The following ZNF438 variants were observed in gnomAD, a reference collection of about 807,000 sequenced individuals.
ZNF438 encodes zinc finger protein 438.
In ZNF438, 25 loss-of-function variants were observed where a neutral mutation model predicts 38.0. That is an observed-to-expected ratio of 0.66 (90% CI 0.48 to 0.92). ZNF438 has a LOEUF of 0.92. Ranked by LOEUF, ZNF438 falls within the 40% of genes least tolerant of loss-of-function variation. The pLI is 0.00. For synonymous variants in ZNF438, 372 were observed against 364.1 expected (o/e 1.02, Z -0.25); for missense variants, 1,007 against 999.6 (o/e 1.01, Z -0.10).
intron 1 of ZNF438, among the ~76,000 whole-genome samples, chr10:30,949,761 C>CCTA (rs2047934019): frequency 6.6e-6 from 1 of 151,714 alleles, no homozygotes; most frequent in South Asian, 2.1e-4. Flanking sequence ...TCCTGAGTGA[C>CCTA]CTACAAAGAG....
chr10:30,903,609 C>T (rs1211437727), intron 3 of ZNF438, among the ~76,000 whole-genome samples: 4 of 152,132 alleles, frequency 2.6e-5, no homozygotes, highest in African/African-American at 9.7e-5. Context: ...GGAGGATCAG[C>T]AAGGCCAAAC....
chr10:30,948,521 A>G (rs1218409012), intron 1 of ZNF438, among the ~76,000 whole-genome samples: 3 of 152,064 alleles, frequency 2.0e-5, no homozygotes, highest in Non-Finnish European at 2.9e-5. Flanking sequence ...AGACGAACGT[A>G]TAACTAGAAT....
intron 1 of ZNF438, among the ~76,000 whole-genome samples, chr10:31,013,245 G>C: frequency 6.6e-6 from 1 of 152,056 alleles, no homozygotes; most frequent in Admixed American, 6.5e-5. Flanking sequence ...CGTGAACCCG[G>C]GAGGCGGAGC....
At chr10:30,926,748 G>A (rs1322667912) in intron 2 of ZNF438, among the ~76,000 whole-genome samples, 1 of 152,052 alleles carries the variant, frequency 6.6e-6, no homozygotes, top group East Asian at 1.9e-4. Flanking sequence ...ACAGATTTGA[G>A]GGCAGAAATG....
At chr10:30,988,220 A>T in intron 1 of ZNF438, among the ~76,000 whole-genome samples, 1 of 152,128 alleles carries the variant, frequency 6.6e-6, no homozygotes, top group East Asian at 1.9e-4. Flanking sequence ...TTTGCTTTGA[A>T]CTTACCAGGT....
intron 1 of ZNF438, among the ~76,000 whole-genome samples, chr10:30,946,778 C>T (rs147719963): frequency 0.01 from 1,538 of 152,248 alleles, 21 homozygotes; most frequent in African/African-American, 0.035. Flanking sequence ...TTCTCCCAAT[C>T]TGTTCTTGTT....
At chr10:30,923,813 C>G (rs2044605018) in intron 2 of ZNF438, among the ~76,000 whole-genome samples, 1 of 152,162 alleles carries the variant, frequency 6.6e-6, no homozygotes, top group African/African-American at 2.4e-5. Flanking sequence ...GGGATGATTG[C>G]TCTTCCATTT....
chr10:30,982,373 T>C (rs148495216), intron 1 of ZNF438, among the ~76,000 whole-genome samples: 1 of 152,290 alleles, frequency 6.6e-6, no homozygotes, highest in African/African-American at 2.4e-5. Flanking sequence ...AGTGCTGAGA[T>C]TATAGGCATC....
chr10:30,979,331 T>C (rs552202155), intron 1 of ZNF438, among the ~76,000 whole-genome samples: 1 of 152,332 alleles, frequency 6.6e-6, no homozygotes, highest in East Asian at 1.9e-4. Flanking sequence ...GAAATGGCCA[T>C]ACTGCCCAAA....
chr10:30,979,154 T>C (rs2051799757), intron 1 of ZNF438, among the ~76,000 whole-genome samples: 1 of 152,210 alleles, frequency 6.6e-6, no homozygotes, highest in Non-Finnish European at 1.5e-5. Context: ...AAAATATTAT[T>C]GCTCAATGAA....
At chr10:30,964,177 A>G (rs975069286) in intron 1 of ZNF438, among the ~76,000 whole-genome samples, 4 of 152,122 alleles carry the variant, frequency 2.6e-5, no homozygotes, top group African/African-American at 7.2e-5. Context: ...TTGTTTCTTC[A>G]TTGCTGCTCG....
At chr10:30,890,555 C>T (rs983471289) in intron 3 of ZNF438, among the ~76,000 whole-genome samples, 1 of 152,172 alleles carries the variant, frequency 6.6e-6, no homozygotes, top group Non-Finnish European at 1.5e-5. Flanking sequence ...CCTTTACTGC[C>T]TTAGGTCAGG....
At chr10:30,981,406 C>G (rs2052123030) in intron 1 of ZNF438, among the ~76,000 whole-genome samples, 1 of 152,144 alleles carries the variant, frequency 6.6e-6, no homozygotes. Flanking sequence ...CTGCTTATAT[C>G]ATGAACAAAC....
chr10:30,932,668 G>C (rs2045823945), intron 2 of ZNF438, among the ~76,000 whole-genome samples: 1 of 152,204 alleles, frequency 6.6e-6, no homozygotes, highest in Admixed American at 6.5e-5. Flanking sequence ...TATGCCATCA[G>C]TTATGGGTTG....
chr10:30,919,193 T>C (rs965045048), intron 2 of ZNF438: 10 of 152,234 alleles, frequency 6.6e-5, no homozygotes, highest in African/African-American at 2.4e-4. Flanking sequence ...ATTTTCCGTA[T>C]CTTCACTATC....
chr10:30,878,305 A>AGGAGAGAAGCAGCTTGACT (rs1332630556), intron 3 of ZNF438, among the ~76,000 whole-genome samples: 4 of 152,222 alleles, frequency 2.6e-5, no homozygotes, highest in Non-Finnish European at 1.5e-5. Context: ...CAGTCAGTAG[A>AGGAGAGAAGCAGCTTGACT]GGAGAGAAGC....
chr10:30,931,726 A>C (rs1224494445), intron 2 of ZNF438, among the ~76,000 whole-genome samples: 2 of 152,220 alleles, frequency 1.3e-5, no homozygotes, highest in East Asian at 3.8e-4. Context: ...CAGGTACGTC[A>C]AACATTCTTG....
Position 30,882,050 on chromosome 10 carries a change from C to T in ZNF438, c.-31-4985G>A. Among the ~76,000 whole-genome samples the T allele has an allele frequency of 1.3e-5, 2 of 152,052 alleles. 1 individual carries two copies. Among genetic ancestry groups the T allele is most frequent in the Non-Finnish European group, 2.9e-5 (2 of 67,976 alleles). On this transcript the variant is annotated intron_variant, in intron 3 of 5. Coordinates refer to ENST00000413025, the Ensembl canonical transcript of ZNF438. The stretch of plus-strand genomic sequence containing the variant: ...ATCTGAAACATAATCCATAAAATAA[C>T]AAACTAATATGCTAAACTTCATCAA...
chr10:30,964,983 G>T (rs1285913670), intron 1 of ZNF438, among the ~76,000 whole-genome samples: 3 of 152,062 alleles, frequency 2.0e-5, no homozygotes, highest in South Asian at 2.1e-4. Context: ...CACAGCAAAA[G>T]AACTATCAAC....
Sources: allele counts gnomAD v4.1 joint callset (sites outside exome capture counted in the v4.1 genomes callset), GRCh38; gene constraint gnomAD v4.1.1; transcripts MANE v1.5; gene names NCBI Gene and HGNC (gene_info 2026-07-23, HGNC 2026-07-21).